The following CEP112 variants were observed in gnomAD, a reference collection of about 807,000 sequenced individuals.
The protein encoded by CEP112 is centrosomal protein 112.
CEP112 carries 127 observed loss-of-function variants against 153.0 expected under a neutral mutation model. The ratio of observed to expected loss-of-function variants is 0.83; its 90% CI spans 0.72 to 0.96. The LOEUF is 0.96. Ranked by LOEUF, CEP112 falls within the 40% of genes least tolerant of loss-of-function variation. The pLI, the probability that CEP112 is intolerant of heterozygous loss-of-function variation, is 0.00. For missense variants in CEP112, 1,089 were observed against 1,101.2 expected, an observed-to-expected ratio of 0.99 and a Z score of 0.16; for synonymous variants, 358 against 374.4, an observed-to-expected ratio of 0.96 and a Z score of 0.51.
intron 10 of CEP112, among the ~76,000 whole-genome samples, chr17:66,065,573 A>G (rs2067083866): frequency 1.3e-5 from 2 of 152,094 alleles, no homozygotes; most frequent in Admixed American, 6.5e-5. Flanking sequence ...TCTAAATCTA[A>G]AATTCAAGGT....
At chr17:65,665,861 C>T (rs9896513) in intron 24 of CEP112, among the ~76,000 whole-genome samples, 15,994 of 152,164 alleles carry the variant, frequency 0.11, 932 homozygotes, top group African/African-American at 0.13. Flanking sequence ...TGAGCTGGCC[C>T]CAGCAGTCCC....
chr17:65,985,099 C>T (rs2063356348), intron 17 of CEP112, among the ~76,000 whole-genome samples: 1 of 151,968 alleles, frequency 6.6e-6, no homozygotes, highest in Non-Finnish European at 1.5e-5. Context: ...CTTAAAGAAA[C>T]CTGAATATAA....
At chr17:66,148,458 G>A (rs552725349) in intron 4 of CEP112, among the ~76,000 whole-genome samples, 17 of 152,194 alleles carry the variant, frequency 1.1e-4, no homozygotes, top group African/African-American at 3.6e-4. Context: ...AGTATTAACC[G>A]CCTAATAATA....
intron 20 of CEP112, among the ~76,000 whole-genome samples, chr17:65,863,776 C>A (rs4791115): frequency 6.1e-5 from 9 of 146,472 alleles, no homozygotes; most frequent in Non-Finnish European, 7.4e-5. Context: ...AAAAAAGAAA[C>A]AAAATGGTAG....
intron 20 of CEP112, among the ~76,000 whole-genome samples, chr17:65,889,501 T>C (rs2059392732): frequency 6.6e-6 from 1 of 152,184 alleles, no homozygotes; most frequent in South Asian, 2.1e-4. Flanking sequence ...CATGGTTCCC[T>C]GCCTCTCTCT....
intron 24 of CEP112, among the ~76,000 whole-genome samples, chr17:65,660,101 G>A (rs1598227903): frequency 6.6e-6 from 1 of 152,046 alleles, no homozygotes. Context: ...TTATGCCAAG[G>A]TACCTGGGCT....
intron 4 of CEP112, among the ~76,000 whole-genome samples, chr17:66,162,443 T>A (rs571935628): frequency 1.4e-4 from 21 of 152,150 alleles, no homozygotes; most frequent in Non-Finnish European, 2.8e-4. Context: ...CACTTCTAAG[T>A]CAACACTCAA....
chr17:65,722,044 A>T (rs2049917155), intron 23 of CEP112, among the ~76,000 whole-genome samples: 1 of 152,138 alleles, frequency 6.6e-6, no homozygotes, highest in African/African-American at 2.4e-5. Flanking sequence ...TTAAAGTAAA[A>T]GTAGTGTTTT....
At chr17:65,725,346 C>G (rs1157691919) in intron 23 of CEP112, among the ~76,000 whole-genome samples, 1 of 152,130 alleles carries the variant, frequency 6.6e-6, no homozygotes, top group Non-Finnish European at 1.5e-5. Context: ...GAGACAGAGT[C>G]TCACTCTGTC....
At chr17:66,080,004 T>C (rs2067655482) in intron 8 of CEP112, among the ~76,000 whole-genome samples, 1 of 151,882 alleles carries the variant, frequency 6.6e-6, no homozygotes. Context: ...ATATAAAAAT[T>C]AACTCAAGAT....
chr17:65,762,668 T>G (rs1224874966), intron 21 of CEP112, among the ~76,000 whole-genome samples: 1 of 151,980 alleles, frequency 6.6e-6, no homozygotes, highest in East Asian at 1.9e-4. Flanking sequence ...CAAATAACAC[T>G]ATATCATCTC....
rs988319135 is a variant in CEP112, at chr17:65,892,185, G to C, written c.2163+9967C>G. ...CAGGATGTGAAAGGCACCTCCTAAA[G>C]GTGTGCATGCCCAGCCCTAGGGCCC... On this transcript the variant is annotated intron_variant, in intron 20 of 26. Transcript: ENST00000535342. 9.2e-5 allele frequency among the ~76,000 whole-genome samples: 14 copies of C among 152,278 alleles called. No homozygotes were observed. In the East Asian group the frequency reaches 2.7e-3, roughly 29 times the overall value.
intron 23 of CEP112, among the ~76,000 whole-genome samples, chr17:65,703,865 A>G (rs1823479633): frequency 6.6e-6 from 1 of 151,852 alleles, no homozygotes; most frequent in Non-Finnish European, 1.5e-5. Context: ...TTCAACAGTC[A>G]TAATGATTCC....
chr17:65,998,215 T>G (rs1275525386), intron 17 of CEP112, among the ~76,000 whole-genome samples: 2 of 151,600 alleles, frequency 1.3e-5, no homozygotes, highest in Non-Finnish European at 2.9e-5. Flanking sequence ...ACCCTGTCTC[T>G]ACCAAAAATC....
At chr17:65,839,966 A>G (rs2057457455) in intron 21 of CEP112, among the ~76,000 whole-genome samples, 1 of 152,124 alleles carries the variant, frequency 6.6e-6, no homozygotes, top group South Asian at 2.1e-4. Context: ...CAAAAGTAGT[A>G]AAAGTTTCTA....
chr17:65,693,667 G>C (rs1159141514), intron 23 of CEP112, among the ~76,000 whole-genome samples: 1 of 152,174 alleles, frequency 6.6e-6, no homozygotes, highest in African/African-American at 2.4e-5. Flanking sequence ...GGGGCAGTGT[G>C]CTTTCTGACA....
rs750884532 is a variant in CEP112 at position 66,029,142 on chromosome 17, T to G, written c.1484A>C (p.His495Pro). 3 of 1,602,448 alleles carry G rather than the reference T, an allele frequency of 1.9e-6. No homozygotes were observed. The Admixed American group carries it at 5.1e-5, about 27-fold the overall frequency. Reference protein sequence around the residue: ...DADINLLKQEHALSASKASSM... With the variant: ...DADINLLKQEPALSASKASSM... ...TAATACCTTAGAAGCTGAAAGAGCA[T>G]GTTCTTGTTTTAGAAGGTTTATATC... The change falls in exon 14 of 27, where the codon CAT becomes CCT. Residue 495 changes from histidine to proline, a missense_variant. Physicochemically the swap from His to Pro is moderately conservative, Grantham distance 77. Coordinates refer to ENST00000535342, the MANE Select transcript of CEP112 (RefSeq NM_001199165.4).
intron 21 of CEP112, among the ~76,000 whole-genome samples, chr17:65,838,764 G>A (rs2057411603): frequency 6.6e-6 from 1 of 150,988 alleles, no homozygotes; most frequent in Non-Finnish European, 1.5e-5. Flanking sequence ...GACTAAATAA[G>A]AAAAAAAAGA....
chr17:66,072,260 C>T (rs1325392250), intron 8 of CEP112, among the ~76,000 whole-genome samples: 1 of 151,998 alleles, frequency 6.6e-6, no homozygotes, highest in East Asian at 1.9e-4. Flanking sequence ...ATAACCAAAG[C>T]GTGGTTATCA....
Sources: gnomAD v4.1 joint callset for allele counts (sites outside exome capture counted in the v4.1 genomes callset) on GRCh38, gnomAD v4.1.1 for gene constraint, MANE v1.5 for transcripts, NCBI Gene and HGNC (gene_info 2026-07-23, HGNC 2026-07-21) for gene names.